MEGF11: variants seen among roughly 807,000 people sequenced by gnomAD.
The protein encoded by MEGF11 is multiple epidermal growth factor-like domains protein 11.
Under a neutral mutation model 146.6 loss-of-function variants are expected in MEGF11, and 126 were observed. The observed-to-expected ratio is 0.86, with a 90% CI of 0.74 to 1.00. The LOEUF (loss-of-function observed/expected upper bound fraction) is 1.00, where lower values mean the gene tolerates loss of function less well. Among genes scored for constraint, MEGF11 ranks in the 50% least tolerant of loss-of-function variants. The pLI is 0.00. For missense variants in MEGF11, 1,509 were observed against 1,521.2 expected (o/e 0.99, Z 0.13); for synonymous variants, 532 against 583.4 (o/e 0.91, Z 1.27).
intron 5 of MEGF11, among the ~76,000 whole-genome samples, chr15:65,987,027 TC>T (rs879545726): frequency 1.8e-4 from 28 of 152,200 alleles, no homozygotes; most frequent in Non-Finnish European, 3.7e-4. Context: ...CTTGTTCTGT[TC>T]CTCGAGGCTG....
chr15:66,083,690 C>T (rs1005964841), intron 5 of MEGF11, among the ~76,000 whole-genome samples: 3 of 151,320 alleles, frequency 2.0e-5, no homozygotes, highest in Admixed American at 6.6e-5. Flanking sequence ...GAGGTGGGGG[C>T]ATTGCTTGAG....
At position 66,236,659 on chromosome 15, in the gene MEGF11, C is replaced by T. The variant is rs1440956894; in HGVS notation, c.-9+16946G>A. Among the ~76,000 whole-genome samples, 4 of 152,234 alleles carry T rather than the reference C, an allele frequency of 2.6e-5. No individual in the cohort carries two copies. The East Asian group carries it at 7.7e-4, about 29-fold the overall frequency. On this transcript the variant is annotated intron_variant, in intron 1 of 25. Coordinates refer to ENST00000395614, the MANE Select transcript of MEGF11 (RefSeq NM_001385028.1). ...TGTGCTGGAGGGAAGAACAGCAGCT[C>T]GAACCCTAGTCCTCTGGCCCAGGAA...
chr15:66,056,817 T>G (rs568113257), intron 5 of MEGF11, among the ~76,000 whole-genome samples: 1 of 152,296 alleles, frequency 6.6e-6, no homozygotes, highest in East Asian at 1.9e-4. Context: ...CAGCGTCGGA[T>G]TCATCACCTC....
chr15:66,041,891 G>C (rs1238875175), intron 5 of MEGF11, among the ~76,000 whole-genome samples: 8 of 152,156 alleles, frequency 5.3e-5, no homozygotes, highest in Non-Finnish European at 1.0e-4. Context: ...GGAAGTGGCA[G>C]AGCTGGGATC....
chr15:65,962,854 C>T lies in MEGF11; in HGVS notation c.1112+2054G>A, dbSNP rs146220343. ...GACTGGTGGGCACGCTCAGAGCCCC[C>T]ACTCTGAAGAACTGCTACTCCCTCC... On this transcript the variant is annotated intron_variant, in intron 9 of 25. Coordinates refer to ENST00000395614, the MANE Select transcript of MEGF11 (RefSeq NM_001385028.1). 2.4e-3 allele frequency among the ~76,000 whole-genome samples: 370 copies of T among 152,242 alleles called. 3 individuals are homozygous for T. Among genetic ancestry groups the T allele is most frequent in the South Asian group, 2.3e-3 (11 of 4,824 alleles).
rs143395466 is a variant in MEGF11, at chr15:65,922,386, C to T, written c.1909G>A (p.Gly637Ser). The change falls in exon 15 of 26, where the codon GGC (glycine) becomes AGC (serine). Residue 637 changes from glycine to serine, a missense_variant. Gly to Ser is a moderately conservative substitution (Grantham distance 56, BLOSUM62 0). Coordinates refer to ENST00000395614, the MANE Select transcript of MEGF11 (RefSeq NM_001385028.1). ...HSSRPCHHIS[G>S]ICECLPGFSG... ...AATCCTGGGAGGCACTCACAGATGC[C>T]GCTGATGTGGTGGCAGGGCCTGCTG... is the stretch of plus-strand genomic sequence containing the variant. 1.4e-4 allele frequency: 227 copies of T among 1,602,024 alleles called. No individual in the cohort carries two copies. Among genetic ancestry groups the T allele is most frequent in the Middle Eastern group, 3.3e-4 (2 of 6,054 alleles).
At chr15:66,161,521 G>A (rs1228601319) in intron 1 of MEGF11, among the ~76,000 whole-genome samples, 2 of 152,144 alleles carry the variant, frequency 1.3e-5, no homozygotes, top group East Asian at 3.8e-4. Flanking sequence ...AAGTGGCTGG[G>A]ACTACAGGCG....
intron 1 of MEGF11, among the ~76,000 whole-genome samples, chr15:66,195,078 C>T (rs1253573084): frequency 6.6e-6 from 1 of 152,030 alleles, no homozygotes; most frequent in Non-Finnish European, 1.5e-5. Context: ...AGTCCAAGAT[C>T]AGGGTGCCTA....
At chr15:66,089,669 G>A (rs2086244434) in intron 5 of MEGF11, among the ~76,000 whole-genome samples, 1 of 152,194 alleles carries the variant, frequency 6.6e-6, no homozygotes. Flanking sequence ...TTAGGAATTG[G>A]CTCACGTCCT....
chr15:66,201,481 G>A (rs541613423), intron 1 of MEGF11, among the ~76,000 whole-genome samples: 4 of 152,228 alleles, frequency 2.6e-5, no homozygotes, highest in Admixed American at 2.6e-4. Flanking sequence ...GGGTGCTGAG[G>A]CCAAGCAGCA....
At chr15:66,090,306 G>A (rs1416493132) in intron 5 of MEGF11, among the ~76,000 whole-genome samples, 1 of 152,220 alleles carries the variant, frequency 6.6e-6, no homozygotes, top group Non-Finnish European at 1.5e-5. Context: ...TTTATCCTAA[G>A]AAGAAATTGG....
At chr15:65,931,329 T>G (rs1232104905) in intron 10 of MEGF11, among the ~76,000 whole-genome samples, 1 of 152,318 alleles carries the variant, frequency 6.6e-6, no homozygotes, top group South Asian at 2.1e-4. Flanking sequence ...ACAGCTCTTT[T>G]ACAGCTACCA....
intron 5 of MEGF11, among the ~76,000 whole-genome samples, chr15:66,084,682 G>A (rs1033524193): frequency 2.6e-5 from 4 of 152,192 alleles, no homozygotes; most frequent in Admixed American, 6.5e-5. Context: ...TTCCTGCCTG[G>A]CACCACAGGG....
At chr15:66,177,664 A>G (rs1396316037) in intron 1 of MEGF11, among the ~76,000 whole-genome samples, 1 of 150,518 alleles carries the variant, frequency 6.6e-6, no homozygotes, top group Non-Finnish European at 1.5e-5. Flanking sequence ...CCCTTCCCCA[A>G]TTCCATTGCC....
intron 4 of MEGF11, among the ~76,000 whole-genome samples, chr15:66,112,717 G>A (rs1363456801): frequency 1.6e-5 from 1 of 62,516 alleles, no homozygotes; most frequent in African/African-American, 1.2e-4. Context: ...AAACTGCAGG[G>A]CAGGCAGTGC....
intron 5 of MEGF11, among the ~76,000 whole-genome samples, chr15:66,066,837 G>T (rs2085148489): frequency 6.6e-6 from 1 of 152,200 alleles, no homozygotes; most frequent in Admixed American, 6.5e-5. Flanking sequence ...TGCAGGGAGG[G>T]TGGGGTCAGA....
Position 65,913,927 on chromosome 15 carries a change from T to C in MEGF11, c.2520A>G (p.Pro840=). 6.2e-7 allele frequency: 1 copy of C among 1,613,988 alleles called. No individual in the cohort carries two copies. The highest frequency in any genetic ancestry group is 8.5e-7 in the Non-Finnish European group (1 of 1,179,880). Residue 840 remains proline, a synonymous_variant, in exon 20 of 26, where the codon CCA becomes CCG. Transcript: ENST00000395614. ...EELNPYTKIS[P]ALGAERHSVG... ...CCGAGTGCCGCTCTGCACCCAGTGC[T>C]GGGCTGATCTTGGTGTAGGGATTCA...
chr15:66,161,663 G>C (rs900217070), intron 1 of MEGF11, among the ~76,000 whole-genome samples: 4 of 152,080 alleles, frequency 2.6e-5, no homozygotes, highest in Non-Finnish European at 5.9e-5. Flanking sequence ...AAAGTGCTGG[G>C]GGATTACAGT....
chr15:65,918,304 C>T (rs889618732), intron 15 of MEGF11, among the ~76,000 whole-genome samples: 1 of 152,226 alleles, frequency 6.6e-6, no homozygotes, highest in Non-Finnish European at 1.5e-5. Context: ...CAGCTGCATT[C>T]TTCAGAAGGC....
Sources: allele counts gnomAD v4.1 joint callset (sites outside exome capture counted in the v4.1 genomes callset), GRCh38; gene constraint gnomAD v4.1.1; transcripts MANE v1.5; gene names NCBI Gene and HGNC (gene_info 2026-07-23, HGNC 2026-07-21).